Variants in ERCC8 observed in about 807,000 individuals in gnomAD.
ERCC8 encodes the protein ERCC excision repair 8, CSA ubiquitin ligase complex subunit, also known as DNA excision repair protein ERCC-8.
ERCC8 carries 52 observed loss-of-function variants against 54.9 expected under a neutral mutation model. That is an observed-to-expected ratio of 0.95 (90% CI 0.76 to 1.19). The LOEUF is 1.19. Among genes scored for constraint, ERCC8 ranks in the 50% most tolerant of loss-of-function variants. The pLI is 0.00. For missense variants in ERCC8, 514 were observed against 466.1 expected (o/e 1.10, Z -0.95); for synonymous variants, 146 against 157.2 (o/e 0.93, Z 0.53).
chr5:60,918,081 A>G, intron 4 of ERCC8, 184 bp downstream of exon 4: 1 of 584,418 alleles, frequency 1.7e-6, no homozygotes, highest in South Asian at 1.9e-5. Context: ...CATTTGCCCA[A>G]TGTCATACAG....
intron 1 of ERCC8, among the ~76,000 whole-genome samples, chr5:60,938,514 C>T (rs550717343): frequency 1.1e-4 from 17 of 151,978 alleles, no homozygotes; most frequent in South Asian, 2.1e-4. Flanking sequence ...CCACCACACC[C>T]GGCTAATTTT....
intron 9 of ERCC8, among the ~76,000 whole-genome samples, chr5:60,894,047 C>G (rs944334278): frequency 6.7e-6 from 1 of 149,022 alleles, no homozygotes; most frequent in African/African-American, 2.5e-5. Context: ...TGCAGTGGCG[C>G]GATCTAGGCT....
rs1747846976 is a variant in ERCC8 at position 60,870,764 on chromosome 5, G to A, written c.*3851C>T. 6.6e-6 allele frequency among the ~76,000 whole-genome samples: 1 copy of A among 151,966 alleles called. No individual in the cohort carries two copies. The highest frequency in any genetic ancestry group is 2.1e-4 in the South Asian group (1 of 4,810). ...AAGGAAAAAGGAGAAGCAACAATTAGACAAATATTAGAAGAAAATATACCT... is the reference window on the plus strand; with the variant it reads ...AAGGAAAAAGGAGAAGCAACAATTAAACAAATATTAGAAGAAAATATACCT... On this transcript the variant is annotated 3_prime_UTR_variant, in exon 12 of 12. Transcript: ENST00000676185.
intron 6 of ERCC8, among the ~76,000 whole-genome samples, chr5:60,903,115 TTA>T (rs1446770923): frequency 6.6e-6 from 1 of 152,058 alleles, no homozygotes; most frequent in East Asian, 1.9e-4. Context: ...AACATATTTG[TTA>T]TGTGTTTCTT....
chr5:60,918,151 C>G, intron 4 of ERCC8, 114 bp downstream of exon 4: 1 of 844,962 alleles, frequency 1.2e-6, no homozygotes, highest in South Asian at 1.4e-5. Flanking sequence ...AACCACTGTA[C>G]TGCTTTCACA....
intron 4 of ERCC8, among the ~76,000 whole-genome samples, chr5:60,911,392 T>C (rs1345992789): frequency 6.6e-6 from 1 of 152,180 alleles, no homozygotes; most frequent in African/African-American, 2.4e-5. Flanking sequence ...CATAAATGTC[T>C]TCTTTGAGAA....
intron 4 of ERCC8, among the ~76,000 whole-genome samples, chr5:60,905,912 T>C (rs1279930861): frequency 2.0e-5 from 3 of 152,034 alleles, no homozygotes; most frequent in Admixed American, 6.6e-5. Context: ...TTGCTATTGA[T>C]TGGTTGGGGG....
At chr5:60,900,402 G>A (rs1031864637) in intron 7 of ERCC8, among the ~76,000 whole-genome samples, 3 of 151,926 alleles carry the variant, frequency 2.0e-5, no homozygotes, top group Non-Finnish European at 4.4e-5. Context: ...CTGGCAATCC[G>A]ACGTGCTCCT....
rs1747814774 is a variant in ERCC8, at chr5:60,869,251, G to A, written c.*5364C>T. ...TGAAATATTTCTGAATGAAAACTGT[G>A]TAGCCCTTATTTAAGTACCTAATTT... On this transcript the variant is annotated 3_prime_UTR_variant, in exon 12 of 12. Coordinates refer to ENST00000676185, the MANE Select transcript of ERCC8 (RefSeq NM_000082.4). 6.6e-6 allele frequency among the ~76,000 whole-genome samples: 1 copy of A among 152,148 alleles called. No homozygotes were observed. Among genetic ancestry groups the A allele is most frequent in the South Asian group, 2.1e-4 (1 of 4,828 alleles).
At chr5:60,915,107 C>T (rs986520320) in intron 4 of ERCC8, 1 of 151,964 alleles carries the variant, frequency 6.6e-6, no homozygotes, top group African/African-American at 2.4e-5. Context: ...AAAAAGTTTA[C>T]AAAAGTTCCT....
chr5:60,944,315 T>C (rs1035763985), intron 1 of ERCC8, among the ~76,000 whole-genome samples: 1 of 152,162 alleles, frequency 6.6e-6, no homozygotes, highest in East Asian at 1.9e-4. Context: ...GTTACCTAAC[T>C]TGGCTCCCAC....
rs966013112 is a variant in ERCC8 at position 60,870,266 on chromosome 5, T to TA, written c.*4348dup. ...AAACAAGTAATTATTAAGCACCTAC[T>TA]ACATGCCAACTACAGTTCTAAGAAT... On this transcript the variant is annotated 3_prime_UTR_variant, in exon 12 of 12. Coordinates refer to ENST00000676185, the MANE Select transcript of ERCC8 (RefSeq NM_000082.4). Among the ~76,000 whole-genome samples the TA allele has an allele frequency of 3.3e-5, 5 of 151,896 alleles. No homozygotes were observed. Among genetic ancestry groups the TA allele is most frequent in the East Asian group, 1.9e-4 (1 of 5,164 alleles).
rs1287617967 is a variant in ERCC8, at chr5:60,874,214, A to T, written c.*401T>A. On this transcript the variant is annotated 3_prime_UTR_variant, in exon 12 of 12. Transcript: ENST00000676185. The stretch of plus-strand genomic sequence containing the variant: ...TGATATAATCATTCTTGGCAAAATC[A>T]TTCTTAAAGGTGGAAACGAGCAGGC... 1 of 159,364 alleles carries T rather than the reference A, an allele frequency of 6.3e-6. No homozygotes were observed. The highest frequency in any genetic ancestry group is 2.4e-5 in the African/African-American group (1 of 41,762). 9.9% of individuals were successfully genotyped at this position (159,364 alleles called of 1,614,324 possible).
intron 4 of ERCC8, among the ~76,000 whole-genome samples, chr5:60,913,324 G>T (rs768366104): frequency 1.3e-5 from 2 of 151,950 alleles, no homozygotes; most frequent in Non-Finnish European, 2.9e-5. Context: ...GTCTTGGGAG[G>T]GTGTGTGTGT....
chr5:60,920,189 G>A (rs546414288), intron 3 of ERCC8, among the ~76,000 whole-genome samples: 4 of 151,952 alleles, frequency 2.6e-5, no homozygotes, highest in Non-Finnish European at 5.9e-5. Flanking sequence ...TTTGTTTTCT[G>A]CTCATTTTCT....
intron 8 of ERCC8, among the ~76,000 whole-genome samples, chr5:60,899,136 T>C (rs1437318427): frequency 6.6e-6 from 1 of 151,854 alleles, no homozygotes; most frequent in African/African-American, 2.4e-5. Context: ...TTCATTCTAA[T>C]ATATTTCTGG....
At chr5:60,937,360 A>G (rs1750097361) in intron 1 of ERCC8, among the ~76,000 whole-genome samples, 1 of 152,290 alleles carries the variant, frequency 6.6e-6, no homozygotes, top group African/African-American at 2.4e-5. Context: ...TAGAGCTCCC[A>G]GGAGATTATG....
intron 2 of ERCC8, chr5:60,924,242 A>G (rs1749686355): frequency 6.6e-6 from 1 of 152,540 alleles, no homozygotes; most frequent in African/African-American, 2.4e-5. Flanking sequence ...AGATCCATCA[A>G]TTTATACATT....
At chr5:60,888,591 T>G (rs538102626) in intron 10 of ERCC8, among the ~76,000 whole-genome samples, 79 of 152,318 alleles carry the variant, frequency 5.2e-4, no homozygotes, top group African/African-American at 1.9e-3. Flanking sequence ...TTAGAATGAC[T>G]AACAAAGAAC....
Sources: gnomAD v4.1 joint callset for allele counts (sites outside exome capture counted in the v4.1 genomes callset) on GRCh38, gnomAD v4.1.1 for gene constraint, MANE v1.5 for transcripts, NCBI Gene and HGNC (gene_info 2026-07-23, HGNC 2026-07-21) for gene names.